MLLT10: variants seen among roughly 807,000 people sequenced by gnomAD.
MLLT10 encodes the protein MLLT10 histone lysine methyltransferase DOT1L cofactor, also known as protein AF-10.
In MLLT10, 30 loss-of-function variants were observed where a neutral mutation model predicts 129.1. The observed-to-expected ratio is 0.23, with a 90% CI of 0.17 to 0.32. The LOEUF is 0.32. Among genes scored for constraint, MLLT10 ranks in the 10% least tolerant of loss-of-function variants. MLLT10 has a pLI of 1.00. For missense variants in MLLT10, 1,119 were observed against 1,268.3 expected (o/e 0.88, Z 1.79); for synonymous variants, 490 against 446.4 (o/e 1.10, Z -1.23).
chr10:21,651,423 G>A (rs1031508452), intron 8 of MLLT10, among the ~76,000 whole-genome samples: 1 of 152,056 alleles, frequency 6.6e-6, no homozygotes, highest in Non-Finnish European at 1.5e-5. Context: ...TGTAAATGTA[G>A]CAAATAATTA....
intron 7 of MLLT10, among the ~76,000 whole-genome samples, chr10:21,616,251 TA>T (rs1225612704): frequency 1.3e-5 from 2 of 152,024 alleles, no homozygotes; most frequent in East Asian, 3.8e-4. Context: ...ATGATATAAA[TA>T]AAAAAATGGA....
At chr10:21,646,571 AT>A (rs1485884079) in intron 8 of MLLT10, among the ~76,000 whole-genome samples, 8 of 152,228 alleles carry the variant, frequency 5.3e-5, no homozygotes, top group African/African-American at 1.9e-4. Context: ...TGTAAAAAAA[AT>A]AAACAGAATT....
At chr10:21,622,765 G>A (rs1215518861) in intron 8 of MLLT10, among the ~76,000 whole-genome samples, 1 of 151,986 alleles carries the variant, frequency 6.6e-6, no homozygotes, top group Non-Finnish European at 1.5e-5. Context: ...ACACCAAGTG[G>A]GTATCCTACA....
intron 3 of MLLT10, among the ~76,000 whole-genome samples, chr10:21,559,499 C>G (rs1313374420): frequency 6.6e-6 from 1 of 152,190 alleles, no homozygotes; most frequent in Non-Finnish European, 1.5e-5. Context: ...ACCATTTTAA[C>G]CATTTTTATG....
At chr10:21,590,521 T>G (rs2042393495) in intron 4 of MLLT10, among the ~76,000 whole-genome samples, 1 of 152,114 alleles carries the variant, frequency 6.6e-6, no homozygotes, top group Admixed American at 6.6e-5. Context: ...GTATTTTTAG[T>G]AGAGACGGGA....
intron 3 of MLLT10, among the ~76,000 whole-genome samples, chr10:21,578,872 A>G (rs2041073666): frequency 6.6e-6 from 1 of 152,236 alleles, no homozygotes; most frequent in African/African-American, 2.4e-5. Flanking sequence ...AGAAAACAAC[A>G]ATATAATTTT....
At position 21,704,024 on chromosome 10, in the gene MLLT10, T is replaced by TTTG. The variant is rs1554856169; in HGVS notation, c.1700-9746_1700-9745insGTT. Among the ~76,000 whole-genome samples the TTTG allele has an allele frequency of 3.7e-5, 5 of 135,396 alleles. No homozygotes were observed. In the East Asian group the frequency reaches 9.2e-4, roughly 25 times the overall value. The allele number at this position is 135,396 out of a possible 152,430, so 88.8% of individuals were successfully genotyped here. On this transcript the variant is annotated intron_variant, in intron 13 of 22. Coordinates refer to ENST00000307729, the MANE Select transcript of MLLT10 (RefSeq NM_001195626.3). Reference sequence around the variant, plus strand: ...GATTTCGATTGTTTTTTGTTTTTTTTTTTTTTTTTTTTTTTGATGGAGTGT... The same window carrying TTTG: ...GATTTCGATTGTTTTTTGTTTTTTTTTTGTTTTTTTTTTTTTTTGATGGAGTGT...
chr10:21,717,540 TCCC>T (rs2056709258), intron 14 of MLLT10, among the ~76,000 whole-genome samples: 1 of 111,680 alleles, frequency 9.0e-6, no homozygotes, highest in Non-Finnish European at 1.8e-5. Context: ...CTCCTCCTCC[TCCC>T]TTCTTCTTTC....
chr10:21,695,475 A>ACCC (rs1176386663), intron 13 of MLLT10, among the ~76,000 whole-genome samples: 1 of 152,196 alleles, frequency 6.6e-6, no homozygotes, highest in Non-Finnish European at 1.5e-5. Context: ...AATTCTGCCT[A>ACCC]CCACTACAAG....
At chr10:21,661,307 A>G (rs1461778115) in intron 9 of MLLT10, among the ~76,000 whole-genome samples, 5 of 152,232 alleles carry the variant, frequency 3.3e-5, no homozygotes, top group African/African-American at 4.8e-5. Context: ...ACAGATGTCA[A>G]TTATATACAG....
At chr10:21,646,163 A>G (rs2048452371) in intron 8 of MLLT10, among the ~76,000 whole-genome samples, 1 of 152,120 alleles carries the variant, frequency 6.6e-6, no homozygotes, top group African/African-American at 2.4e-5. Context: ...TTGAGATCAC[A>G]CCACCGCACT....
At chr10:21,617,879 T>A (rs547075284) in intron 8 of MLLT10, among the ~76,000 whole-genome samples, 1 of 152,296 alleles carries the variant, frequency 6.6e-6, no homozygotes, top group South Asian at 2.1e-4. Flanking sequence ...TGCCATTAGC[T>A]GAGCATGGTG....
chr10:21,731,502 C>T (rs1242438712), intron 17 of MLLT10, among the ~76,000 whole-genome samples: 1 of 152,162 alleles, frequency 6.6e-6, no homozygotes, highest in Non-Finnish European at 1.5e-5. Context: ...TACTAAAATA[C>T]ATGAGCACTG....
At chr10:21,665,137 G>T (rs1411089898) in intron 9 of MLLT10, among the ~76,000 whole-genome samples, 2 of 151,440 alleles carry the variant, frequency 1.3e-5, no homozygotes, top group Admixed American at 6.6e-5. Context: ...GTAGAGACGG[G>T]GTTTCACCAT....
chr10:21,602,851 T>A (rs1299625356), intron 5 of MLLT10, among the ~76,000 whole-genome samples: 1 of 151,456 alleles, frequency 6.6e-6, no homozygotes, highest in East Asian at 2.0e-4. Context: ...TGCCTCAGCC[T>A]CCCGAGTAGC....
chr10:21,569,256 G>A lies in MLLT10; in HGVS notation c.241-17038G>A, dbSNP rs11012739. On this transcript the variant is annotated intron_variant, in intron 3 of 22. Transcript: ENST00000307729. ...TTTCTGTCTGCTGGTCCTGCTATTA[G>A]TATCATTCCTTTTTTTTGAACATGA... Among the ~76,000 whole-genome samples, 11 of 151,634 alleles carry A rather than the reference G, an allele frequency of 7.3e-5. 1 individual carries two copies. In the South Asian group the frequency reaches 2.3e-3, roughly 31 times the overall value.
intron 13 of MLLT10, among the ~76,000 whole-genome samples, chr10:21,689,199 A>G (rs927717717): frequency 2.0e-5 from 3 of 152,082 alleles, no homozygotes; most frequent in Admixed American, 6.6e-5. Flanking sequence ...GGTCCTGGTT[A>G]GTTGCTTTGG....
chr10:21,715,839 CCT>C (rs1359391625), intron 14 of MLLT10, among the ~76,000 whole-genome samples: 1 of 152,184 alleles, frequency 6.6e-6, no homozygotes, highest in Non-Finnish European at 1.5e-5. Context: ...CTATTTATCC[CCT>C]CTCCATGTTT....
At chr10:21,722,721 G>T (rs1397170732) in intron 14 of MLLT10, among the ~76,000 whole-genome samples, 1 of 152,076 alleles carries the variant, frequency 6.6e-6, no homozygotes, top group Non-Finnish European at 1.5e-5. Flanking sequence ...TAAAAGGTGG[G>T]GGTTTCTTGG....
Sources: gnomAD v4.1 joint callset for allele counts (sites outside exome capture counted in the v4.1 genomes callset) on GRCh38, gnomAD v4.1.1 for gene constraint, MANE v1.5 for transcripts, NCBI Gene and HGNC (gene_info 2026-07-23, HGNC 2026-07-21) for gene names.